POM121C: variants seen among roughly 807,000 people sequenced by gnomAD.
POM121C encodes the protein POM121 transmembrane nucleoporin C, also known as nuclear envelope pore membrane protein POM 121C.
POM121C carries 20 observed loss-of-function variants against 66.4 expected under a neutral mutation model. The observed-to-expected ratio is 0.30, with a 90% confidence interval of 0.21 to 0.44. The LOEUF (loss-of-function observed/expected upper bound fraction) is 0.44. Among genes scored for constraint, POM121C ranks in the 20% least tolerant of loss-of-function variants. POM121C has a pLI of 1.00. For synonymous variants in POM121C, 286 were observed against 528.0 expected, an observed-to-expected ratio of 0.54 and a Z score of 6.28; for missense variants, 580 against 1,225.7, an observed-to-expected ratio of 0.47 and a Z score of 7.87.
chr7:75,435,079 T>C (rs1464550487), intron 7 of POM121C, among the ~76,000 whole-genome samples: 3 of 152,198 alleles, frequency 2.0e-5, no homozygotes, highest in Non-Finnish European at 4.4e-5. Flanking sequence ...TCTAGAAATT[T>C]TTCCAGAGGC....
intron 3 of POM121C, among the ~76,000 whole-genome samples, chr7:75,453,507 G>C (rs1791098203): frequency 6.6e-6 from 1 of 151,592 alleles, no homozygotes; most frequent in South Asian, 2.1e-4. Context: ...GCTTGAACCT[G>C]GGAGGCAGAG....
chr7:75,476,283 C>G (rs1482437371), intron 1 of POM121C, among the ~76,000 whole-genome samples: 3 of 133,188 alleles, frequency 2.3e-5, no homozygotes, highest in Non-Finnish European at 4.9e-5. Flanking sequence ...AGAGCGAGAC[C>G]TTGTCTCAAA....
At chr7:75,483,922 G>A (rs1161011325) in intron 1 of POM121C, among the ~76,000 whole-genome samples, 2 of 152,034 alleles carry the variant, frequency 1.3e-5, no homozygotes, top group African/African-American at 4.8e-5. Flanking sequence ...CCAACATAGT[G>A]AAACCCCATC....
At chr7:75,428,284 A>G (rs1790035886) in intron 7 of POM121C, among the ~76,000 whole-genome samples, 1 of 152,040 alleles carries the variant, frequency 6.6e-6, no homozygotes, top group Non-Finnish European at 1.5e-5. Flanking sequence ...GGACTACAGG[A>G]GCATGCCACC....
In POM121C at chr7:75,437,561, C is replaced by A; in HGVS notation, c.434G>T (p.Arg145Leu). 8 of 1,613,864 alleles carry A rather than the reference C, an allele frequency of 5.0e-6. No homozygotes were observed. The highest frequency in any genetic ancestry group is 6.8e-6 in the Non-Finnish European group (8 of 1,179,824). The stretch of plus-strand genomic sequence containing the variant: ...GCTGTAGGAACTGGTAATGGCATTG[C>A]GGCTGGAGCTAGGGATGCCACTTGT... ...AYTSGIPSSS[R>L]NAITSSYSST... Residue 145 changes from arginine (R) to leucine (L), a missense_variant, in exon 7 of 15, where the codon CGC becomes CTC. Arg to Leu is a moderately radical substitution (Grantham distance 102, BLOSUM62 -2). Transcript: ENST00000615331.
intron 3 of POM121C, among the ~76,000 whole-genome samples, chr7:75,452,641 C>A (rs1791059404): frequency 6.6e-6 from 1 of 152,082 alleles, no homozygotes; most frequent in Non-Finnish European, 1.5e-5. Context: ...AGCCGAAGCT[C>A]ATCTGTAATG....
chr7:75,439,322 G>A, intron 5 of POM121C, 98 bp from the exon 6 acceptor site: 2 of 1,503,188 alleles, frequency 1.3e-6, no homozygotes, highest in Non-Finnish European at 1.8e-6. Context: ...CTATCTCTAT[G>A]GAGCACAGAT....
chr7:75,478,595 C>T (rs587764399), intron 1 of POM121C, among the ~76,000 whole-genome samples: 23 of 151,800 alleles, frequency 1.5e-4, no homozygotes, highest in Admixed American at 1.2e-3. Flanking sequence ...TAAAAAAGAC[C>T]CACGCTAACC....
chr7:75,429,173 CT>C (rs1172183683), intron 7 of POM121C, among the ~76,000 whole-genome samples: 3 of 152,176 alleles, frequency 2.0e-5, no homozygotes, highest in African/African-American at 7.2e-5. Flanking sequence ...CAGAATAAGA[CT>C]GCAGAGGGAA....
intron 7 of POM121C, among the ~76,000 whole-genome samples, chr7:75,433,847 A>G (rs1202705105): frequency 2.0e-5 from 3 of 152,250 alleles, no homozygotes; most frequent in African/African-American, 4.8e-5. Flanking sequence ...AAAAGATAAC[A>G]TGTAGATTGT....
chr7:75,442,603 C>T, intron 3 of POM121C: 1 of 1,491,672 alleles, frequency 6.7e-7, no homozygotes, highest in South Asian at 1.3e-5. Flanking sequence ...CGACCAGCGA[C>T]AGGCCGAGAA....
intron 11 of POM121C, 31 bp from the exon 12 acceptor site, chr7:75,424,256 G>A (rs1789846014): frequency 1.9e-6 from 3 of 1,605,964 alleles, no homozygotes; most frequent in East Asian, 2.2e-5. Context: ...AAGCAGTCCT[G>A]GCTTGTCTGG....
intron 3 of POM121C, among the ~76,000 whole-genome samples, chr7:75,465,430 T>G (rs1432830037): frequency 1.1e-4 from 16 of 144,362 alleles, no homozygotes; most frequent in Non-Finnish European, 2.1e-4. Flanking sequence ...CACAGTGAGA[T>G]CCCATCTCTA....
intron 7 of POM121C, among the ~76,000 whole-genome samples, chr7:75,434,238 C>A (rs1322367696): frequency 2.0e-5 from 3 of 151,880 alleles, no homozygotes; most frequent in Non-Finnish European, 2.9e-5. Flanking sequence ...AACATGTGAA[C>A]AGATGATCAA....
intron 3 of POM121C, among the ~76,000 whole-genome samples, chr7:75,456,862 A>C (rs1791234971): frequency 6.6e-6 from 1 of 151,776 alleles, no homozygotes; most frequent in African/African-American, 2.4e-5. Context: ...AAATACATGA[A>C]GCAGCTGGGC....
chr7:75,466,135 A>G (rs1488285690), intron 3 of POM121C, among the ~76,000 whole-genome samples: 1 of 151,236 alleles, frequency 6.6e-6, no homozygotes, highest in East Asian at 1.9e-4. Context: ...TAAAAAAAAA[A>G]CGTCAAATCC....
intron 1 of POM121C, among the ~76,000 whole-genome samples, chr7:75,479,637 A>G (rs1197446619): frequency 6.8e-6 from 1 of 147,860 alleles, no homozygotes; most frequent in African/African-American, 2.5e-5. Context: ...ATAAATAAAT[A>G]AATAAATAAA....
intron 3 of POM121C, among the ~76,000 whole-genome samples, chr7:75,453,597 A>T (rs1488015033): frequency 1.3e-5 from 2 of 151,680 alleles, no homozygotes; most frequent in Non-Finnish European, 2.9e-5. Context: ...AAAAAAAAAA[A>T]AGACACAGTC....
chr7:75,464,749 G>C (rs1229813346), intron 3 of POM121C, among the ~76,000 whole-genome samples: 90 of 129,392 alleles, frequency 7.0e-4, no homozygotes, highest in African/African-American at 2.5e-3. Flanking sequence ...CCAGCTACTC[G>C]AGAGGCTGAG....
Sources: gnomAD v4.1 joint callset for allele counts (sites outside exome capture counted in the v4.1 genomes callset) on GRCh38, gnomAD v4.1.1 for gene constraint, MANE v1.5 for transcripts, NCBI Gene and HGNC (gene_info 2026-07-23, HGNC 2026-07-21) for gene names.